Variants in BRI3BP observed in about 807,000 individuals in gnomAD.
BRI3BP encodes BRI3-binding protein.
In BRI3BP, 7 loss-of-function variants were observed where a neutral mutation model predicts 15.8. That is an observed-to-expected ratio of 0.44 (90% CI 0.25 to 0.83). The LOEUF (loss-of-function observed/expected upper bound fraction) is 0.83. Ranked by LOEUF, BRI3BP falls within the 40% of genes least tolerant of loss-of-function variation. The pLI is 0.20. For missense variants in BRI3BP, 320 were observed against 339.3 expected (o/e 0.94, Z 0.45); for synonymous variants, 192 against 163.5 (o/e 1.17, Z -1.33).
In BRI3BP at chr12:125,029,340, C is replaced by T. The variant is rs1461101632; in HGVS notation, c.*3910C>T. 1 of 126,254 alleles carries T rather than the reference C, an allele frequency of 7.9e-6. No individual in the cohort carries two copies. The highest frequency in any genetic ancestry group is 3.2e-5 in the African/African-American group (1 of 31,720). 7.8% of individuals were successfully genotyped at this position (126,254 alleles called of 1,614,324 possible). A position where few individuals can be genotyped will look rare whatever the true frequency, so the allele number is the denominator to read the frequency against. On this transcript the variant is annotated 3_prime_UTR_variant, in exon 3 of 3. Coordinates refer to ENST00000341446, the MANE Select transcript of BRI3BP (RefSeq NM_080626.6). ...ACCAGCCTGGCCAACATAGTGAAAT[C>T]CCGTCTCTACCAAAAAATACAAAAA...
chr12:125,022,635 T>C (rs1466601967), intron 2 of BRI3BP, among the ~76,000 whole-genome samples: 1 of 151,798 alleles, frequency 6.6e-6, no homozygotes, highest in Non-Finnish European at 1.5e-5. Flanking sequence ...CAAGCGATTC[T>C]CGTGCCTCAG....
At chr12:125,002,264 T>A (rs994222621) in intron 1 of BRI3BP, among the ~76,000 whole-genome samples, 2 of 152,110 alleles carry the variant, frequency 1.3e-5, no homozygotes, top group African/African-American at 2.4e-5. Context: ...ACTTTTTGTT[T>A]AACACTTTGG....
At chr12:125,010,725 G>A (rs182920891) in intron 1 of BRI3BP, among the ~76,000 whole-genome samples, 355 of 152,196 alleles carry the variant, frequency 2.3e-3, no homozygotes, top group African/African-American at 8.2e-3. Context: ...GCAGTGAGCC[G>A]AGATCGTGCC....
chr12:125,011,905 G>T (rs922529256), intron 1 of BRI3BP, among the ~76,000 whole-genome samples: 2 of 152,124 alleles, frequency 1.3e-5, no homozygotes, highest in Admixed American at 6.6e-5. Flanking sequence ...TGAGAAACCC[G>T]CAGGGTGCGG....
the BRI3BP span, among the ~76,000 whole-genome samples, chr12:125,043,849 C>G: frequency 1.3e-5 from 2 of 151,814 alleles, no homozygotes; most frequent in Non-Finnish European, 2.9e-5. Flanking sequence ...GAGCGAGACT[C>G]CGTCTCAAAA....
intron 1 of BRI3BP, among the ~76,000 whole-genome samples, chr12:124,997,518 G>T (rs1404482662): frequency 6.6e-6 from 1 of 151,766 alleles, no homozygotes; most frequent in African/African-American, 2.4e-5. Flanking sequence ...GCACCACCCA[G>T]TTGCTTTACT....
the BRI3BP span, among the ~76,000 whole-genome samples, chr12:125,049,717 G>A: frequency 6.6e-6 from 1 of 152,216 alleles, no homozygotes; most frequent in African/African-American, 2.4e-5. Context: ...GGAACGCGTC[G>A]CGATTGGTTG....
chr12:125,012,712 A>C, intron 2 of BRI3BP, 76 bp downstream of exon 2: 1 of 1,128,430 alleles, frequency 8.9e-7, no homozygotes, highest in Non-Finnish European at 1.4e-6. Flanking sequence ...TGGTACTCAC[A>C]GTGAGTAATA....
intron 1 of BRI3BP, among the ~76,000 whole-genome samples, chr12:125,005,640 T>C (rs1189907382): frequency 3.3e-5 from 5 of 152,058 alleles, no homozygotes. Context: ...ACATGGTGCC[T>C]TACGCCTGTA....
chr12:125,048,138 C>G, the BRI3BP span, among the ~76,000 whole-genome samples: 1 of 151,648 alleles, frequency 6.6e-6, no homozygotes, highest in African/African-American at 2.4e-5. Context: ...GATTGAAAGA[C>G]TAAATTCCTA....
intron 2 of BRI3BP, among the ~76,000 whole-genome samples, chr12:125,017,016 ATTATTATTT>A: frequency 7.2e-6 from 1 of 139,458 alleles, no homozygotes; most frequent in East Asian, 2.1e-4. Context: ...TTGTATTATT[ATTATTATTT>A]TTTTTTTTCT....
chr12:125,044,707 C>T, the BRI3BP span, among the ~76,000 whole-genome samples: 1 of 152,130 alleles, frequency 6.6e-6, no homozygotes, highest in Non-Finnish European at 1.5e-5. Context: ...GCCTTGGGCT[C>T]CCAAAGTGGT....
chr12:125,001,519 C>CTATT (rs1238559652), intron 1 of BRI3BP, among the ~76,000 whole-genome samples: 1 of 151,968 alleles, frequency 6.6e-6, no homozygotes, highest in Non-Finnish European at 1.5e-5. Flanking sequence ...GCCACCATGC[C>CTATT]TATTTATTTA....
chr12:125,006,761 A>G (rs1366657101), intron 1 of BRI3BP, among the ~76,000 whole-genome samples: 1 of 152,214 alleles, frequency 6.6e-6, no homozygotes, highest in African/African-American at 2.4e-5. Flanking sequence ...GAGAGGTTCA[A>G]CAGTGTGAGC....
rs1464787561 is a variant in BRI3BP at position 125,027,219 on chromosome 12, A to G, written c.*1789A>G. 6.6e-6 allele frequency: 1 copy of G among 152,184 alleles called. No individual in the cohort carries two copies. The highest frequency in any genetic ancestry group is 1.5e-5 in the Non-Finnish European group (1 of 68,056). The allele number at this position is 152,184 out of a possible 1,614,324, so 9.4% of individuals were successfully genotyped here. Reference sequence around the variant, plus strand: ...TTGGTTGCAAGTATCTGGAAAACAGATGCAGATGTTTTTGTGGATGTTGTT... The same window carrying G: ...TTGGTTGCAAGTATCTGGAAAACAGGTGCAGATGTTTTTGTGGATGTTGTT... On this transcript the variant is annotated 3_prime_UTR_variant, in exon 3 of 3. Transcript: ENST00000341446.
At chr12:125,013,513 A>G (rs1955214594) in intron 2 of BRI3BP, among the ~76,000 whole-genome samples, 1 of 152,196 alleles carries the variant, frequency 6.6e-6, no homozygotes, top group Non-Finnish European at 1.5e-5. Context: ...GCAACACTTC[A>G]CTTAATTTCC....
At chr12:125,016,514 G>A (rs1454918427) in intron 2 of BRI3BP, among the ~76,000 whole-genome samples, 4 of 151,178 alleles carry the variant, frequency 2.6e-5, no homozygotes, top group East Asian at 3.9e-4. Flanking sequence ...CCTTTTTTGG[G>A]GGGGAGGGGG....
At chr12:124,994,435 A>C (rs1955023904) in intron 1 of BRI3BP, among the ~76,000 whole-genome samples, 1 of 151,964 alleles carries the variant, frequency 6.6e-6, no homozygotes, top group Non-Finnish European at 1.5e-5. Context: ...ATCCCGACCC[A>C]CTTCCCCTGG....
At chr12:124,995,462 A>G (rs140720775) in intron 1 of BRI3BP, among the ~76,000 whole-genome samples, 1 of 152,326 alleles carries the variant, frequency 6.6e-6, no homozygotes, top group East Asian at 1.9e-4. Context: ...CCATGTCTCA[A>G]CTGACGGTGG....
Sources: allele counts gnomAD v4.1 joint callset (sites outside exome capture counted in the v4.1 genomes callset), GRCh38; gene constraint gnomAD v4.1.1; transcripts MANE v1.5; gene names NCBI Gene and HGNC (gene_info 2026-07-23, HGNC 2026-07-21).